DOCK3: variants seen among roughly 807,000 people sequenced by gnomAD.
DOCK3 encodes the protein dedicator of cytokinesis protein 3.
A neutral mutation model predicts 265.6 loss-of-function variants in DOCK3; 60 were observed. The observed-to-expected ratio is 0.23, with a 90% CI of 0.18 to 0.28. DOCK3 has a LOEUF of 0.28. DOCK3 is among the 10% of genes least tolerant of loss of function. The pLI, the probability that DOCK3 is intolerant of heterozygous loss-of-function variation, is 1.00. For synonymous variants in DOCK3, 881 were observed against 938.0 expected, an observed-to-expected ratio of 0.94 and a Z score of 1.11; for missense variants, 1,981 against 2,594.3, an observed-to-expected ratio of 0.76 and a Z score of 5.14.
intron 4 of DOCK3, among the ~76,000 whole-genome samples, chr3:50,922,860 C>T (rs1428316459): frequency 2.6e-5 from 4 of 151,180 alleles, no homozygotes; most frequent in Admixed American, 2.6e-4. Flanking sequence ...TTTTGGTGTA[C>T]CCATCACCCA....
At chr3:50,853,154 C>G (rs1292789618) in intron 3 of DOCK3, among the ~76,000 whole-genome samples, 1 of 151,932 alleles carries the variant, frequency 6.6e-6, no homozygotes, top group Non-Finnish European at 1.5e-5. Context: ...ATTTTAGTAC[C>G]TATTAATCAA....
intron 32 of DOCK3, among the ~76,000 whole-genome samples, chr3:51,323,360 T>C (rs2083870534): frequency 6.6e-6 from 1 of 152,168 alleles, no homozygotes; most frequent in African/African-American, 2.4e-5. Flanking sequence ...GTGGACCTAG[T>C]AGACATCTAC....
intron 3 of DOCK3, among the ~76,000 whole-genome samples, chr3:50,849,550 G>A (rs1400231389): frequency 1.3e-5 from 2 of 149,864 alleles, no homozygotes; most frequent in South Asian, 2.1e-4. Context: ...GACCTCCTAG[G>A]CCTTAGTGAT....
At chr3:51,003,722 G>A (rs941910192) in intron 5 of DOCK3, among the ~76,000 whole-genome samples, 10 of 152,028 alleles carry the variant, frequency 6.6e-5, no homozygotes, top group African/African-American at 2.2e-4. Flanking sequence ...TTTGTCTCTT[G>A]GAATGTCTTC....
At chr3:51,015,528 G>C (rs372561782) in intron 5 of DOCK3, among the ~76,000 whole-genome samples, 2 of 150,744 alleles carry the variant, frequency 1.3e-5, no homozygotes, top group African/African-American at 4.9e-5. Context: ...AATTTGGTTT[G>C]CTAGTATTTT....
intron 12 of DOCK3, among the ~76,000 whole-genome samples, chr3:51,166,713 G>C (rs1298853476): frequency 6.6e-6 from 1 of 152,186 alleles, no homozygotes; most frequent in Non-Finnish European, 1.5e-5. Context: ...CTGATGGTTG[G>C]TGATATTGAG....
intron 5 of DOCK3, among the ~76,000 whole-genome samples, chr3:50,956,331 T>C (rs2076728615): frequency 6.6e-6 from 1 of 152,226 alleles, no homozygotes; most frequent in Admixed American, 6.5e-5. Flanking sequence ...GAACCGCAGA[T>C]TGTCAAATCA....
At chr3:51,060,186 T>TTA (rs1553748250) in intron 5 of DOCK3, among the ~76,000 whole-genome samples, 3 of 149,944 alleles carry the variant, frequency 2.0e-5, no homozygotes, top group Non-Finnish European at 3.0e-5. Flanking sequence ...CTATTGCATA[T>TTA]AAAAAAAAAG....
intron 51 of DOCK3, chr3:51,379,635 G>A: frequency 1.0e-6 from 1 of 985,292 alleles, no homozygotes. Flanking sequence ...AAGGGCCACA[G>A]CAACAGCCAT....
chr3:51,105,971 C>A (rs1005386048), intron 9 of DOCK3, among the ~76,000 whole-genome samples: 2 of 152,198 alleles, frequency 1.3e-5, no homozygotes, highest in Non-Finnish European at 2.9e-5. Flanking sequence ...CCCTCAACCA[C>A]CACAGACACT....
intron 21 of DOCK3, among the ~76,000 whole-genome samples, chr3:51,243,804 T>A (rs969998722): frequency 2.0e-5 from 3 of 152,174 alleles, no homozygotes; most frequent in Admixed American, 2.0e-4. Context: ...TTCACCTATC[T>A]TTTCTTTTAA....
intron 22 of DOCK3, among the ~76,000 whole-genome samples, chr3:51,256,367 T>G (rs2108718990): frequency 6.6e-6 from 1 of 152,192 alleles, no homozygotes; most frequent in South Asian, 2.1e-4. Context: ...GCCTCCTGGG[T>G]TTAAGTGATT....
At chr3:50,954,761 C>G (rs1290942430) in intron 5 of DOCK3, among the ~76,000 whole-genome samples, 2 of 152,084 alleles carry the variant, frequency 1.3e-5, no homozygotes, top group African/African-American at 4.8e-5. Context: ...TATTTTCTCC[C>G]AATCTATAGG....
intron 5 of DOCK3, among the ~76,000 whole-genome samples, chr3:50,939,719 A>C (rs1470421034): frequency 2.6e-5 from 4 of 152,146 alleles, no homozygotes; most frequent in African/African-American, 9.7e-5. Flanking sequence ...CAGTAGAAGC[A>C]AACTTCCTCA....
intron 22 of DOCK3, among the ~76,000 whole-genome samples, chr3:51,251,157 A>T (rs2079202231): frequency 1.3e-5 from 2 of 152,162 alleles, no homozygotes; most frequent in Non-Finnish European, 2.9e-5. Flanking sequence ...GCTCAGAATG[A>T]TGGATTCCAG....
chr3:50,955,427 A>G (rs1020164182), intron 5 of DOCK3, among the ~76,000 whole-genome samples: 1 of 152,212 alleles, frequency 6.6e-6, no homozygotes, highest in Non-Finnish European at 1.5e-5. Flanking sequence ...AAGACATGGA[A>G]TCAACCTAAA....
intron 3 of DOCK3, among the ~76,000 whole-genome samples, chr3:50,889,432 GC>G (rs1234920587): frequency 6.6e-6 from 1 of 150,854 alleles, no homozygotes; most frequent in African/African-American, 2.4e-5. Flanking sequence ...GGAGATGGGG[GC>G]GAAACATTGA....
Position 51,380,172 on chromosome 3 carries a change from A to AC in DOCK3, c.5555dup (p.Ala1853SerfsTer46), listed in dbSNP as rs782552436. 4 of 1,608,872 alleles carry AC rather than the reference A, an allele frequency of 2.5e-6. No homozygotes were observed. The highest frequency in any genetic ancestry group is 1.7e-6 in the Non-Finnish European group (2 of 1,176,332). ...CGCCTTCCACCACCCTCTGGGTGAT[A>AC]CCCCCCCAGCCCTCCCTGCCCGGAC... On this transcript the variant is annotated frameshift_variant, in exon 52 of 53. Coordinates refer to ENST00000266037, the MANE Select transcript of DOCK3 (RefSeq NM_004947.5). LOFTEE classifies it high-confidence loss of function.
intron 1 of DOCK3, among the ~76,000 whole-genome samples, chr3:50,741,924 T>C (rs1389580153): frequency 6.6e-6 from 1 of 152,152 alleles, no homozygotes; most frequent in Non-Finnish European, 1.5e-5. Flanking sequence ...CTCCACATCC[T>C]CTCCAGCACC....
Sources: allele counts gnomAD v4.1 joint callset (sites outside exome capture counted in the v4.1 genomes callset), GRCh38; gene constraint gnomAD v4.1.1; transcripts MANE v1.5; gene names NCBI Gene and HGNC (gene_info 2026-07-23, HGNC 2026-07-21).